HERC1: variants seen among roughly 807,000 people sequenced by gnomAD.
The protein encoded by HERC1 is HECT and RLD domain containing E3 ubiquitin protein ligase family member 1.
HERC1 carries 160 observed loss-of-function variants against 554.3 expected under a neutral mutation model. The observed-to-expected ratio is 0.29, with a 90% CI of 0.25 to 0.33. HERC1 has a LOEUF of 0.33. Ranked by LOEUF, HERC1 falls within the 10% of genes least tolerant of loss-of-function variation. The pLI, the probability that HERC1 is intolerant of heterozygous loss-of-function variation, is 1.00. For synonymous variants in HERC1, 2,175 were observed against 2,131.7 expected (o/e 1.02, Z -0.56); for missense variants, 4,919 against 5,918.5 (o/e 0.83, Z 5.54).
intron 57 of HERC1, 102 bp downstream of exon 57, chr15:63,644,890 T>C: frequency 3.7e-6 from 3 of 810,846 alleles, no homozygotes; most frequent in Non-Finnish European, 6.2e-6. Flanking sequence ...ATCTTGCCCT[T>C]TGGGATATAG....
At chr15:63,630,152 C>G (rs1387341689) in intron 69 of HERC1, among the ~76,000 whole-genome samples, 2 of 152,178 alleles carry the variant, frequency 1.3e-5, no homozygotes, top group East Asian at 3.8e-4. Context: ...AGTAGCAAAT[C>G]CTTACATACT....
chr15:63,777,863 C>T (rs1412694377), intron 1 of HERC1, among the ~76,000 whole-genome samples: 1 of 151,998 alleles, frequency 6.6e-6, no homozygotes, highest in African/African-American at 2.4e-5. Flanking sequence ...GTCTTTAGTC[C>T]ATCTGGAATT....
In HERC1 at chr15:63,674,740, T is replaced by C. The variant is rs2071108530; in HGVS notation, c.7448A>G (p.Glu2483Gly). ...GTGTTCATGATTTTTTCTTTTCCCTTCTGTTATTTGATGTTGGGATTCCAC... is the reference window on the plus strand; with the variant it reads ...GTGTTCATGATTTTTTCTTTTCCCTCCTGTTATTTGATGTTGGGATTCCAC... Reference protein sequence around the residue: ...PSVESQHQITEGKRKNHEHMS... With the variant: ...PSVESQHQITGGKRKNHEHMS... The change falls in exon 38 of 78, where the codon GAA becomes GGA. Residue 2483 changes from glutamate to glycine, a missense_variant. This residue lies in a region of HERC1 where 1,963 missense variants were observed against 2,228.6 expected (regional missense o/e 0.88). Coordinates refer to ENST00000443617, the MANE Select transcript of HERC1 (RefSeq NM_003922.4). 1 of 1,613,792 alleles carries C rather than the reference T, an allele frequency of 6.2e-7. No individual in the cohort carries two copies.
At chr15:63,787,360 T>C (rs1360481393) in intron 1 of HERC1, among the ~76,000 whole-genome samples, 6 of 151,694 alleles carry the variant, frequency 4.0e-5, no homozygotes, top group African/African-American at 1.5e-4. Flanking sequence ...TTTCACAATG[T>C]TGGCTAGGCT....
intron 68 of HERC1, 43 bp downstream of exon 68, chr15:63,632,666 A>G: frequency 7.8e-7 from 1 of 1,280,504 alleles, no homozygotes; most frequent in Non-Finnish European, 1.1e-6. Context: ...GCCAATGTTT[A>G]TAATGATGTG....
intron 1 of HERC1, among the ~76,000 whole-genome samples, chr15:63,804,623 T>C (rs569556500): frequency 6.7e-6 from 1 of 149,524 alleles, no homozygotes; most frequent in South Asian, 2.1e-4. Context: ...TGAAAAGACT[T>C]AGATATGATG....
chr15:63,648,239 ATTTGT>A (rs2069460997), intron 54 of HERC1, 40 bp from the exon 55 acceptor site: 1 of 1,557,760 alleles, frequency 6.4e-7, no homozygotes, highest in Admixed American at 1.9e-5. Context: ...AAAGATAATT[ATTTGT>A]CATTGTCTGA....
intron 22 of HERC1, among the ~76,000 whole-genome samples, chr15:63,715,800 T>A (rs1307523155): frequency 6.6e-6 from 1 of 152,244 alleles, no homozygotes; most frequent in African/African-American, 2.4e-5. Context: ...AAAAGTTTTA[T>A]GCACCCAGTC....
Position 63,666,412 on chromosome 15 carries a change from G to C in HERC1, c.8267C>G (p.Pro2756Arg). 1 of 1,613,684 alleles carries C rather than the reference G, an allele frequency of 6.2e-7. No individual in the cohort carries two copies. ...AAGAGAGAACCCCATTTCCAGCAAGGGAACTGCAATTGCTGGAGGAGGAGG... is the reference window on the plus strand; with the variant it reads ...AAGAGAGAACCCCATTTCCAGCAAGCGAACTGCAATTGCTGGAGGAGGAGG... The part of the protein sequence containing the change: ...TSPPPPAIAV[P>R]LLEMGFSLRQ... Residue 2756 changes from proline (P) to arginine (R), a missense_variant, in exon 41 of 78, where the codon CCC becomes CGC. Pro to Arg is a moderately radical substitution (Grantham distance 103). This residue lies in a region of HERC1 where 1,963 missense variants were observed against 2,228.6 expected (regional missense o/e 0.88). Coordinates refer to ENST00000443617, the MANE Select transcript of HERC1 (RefSeq NM_003922.4).
intron 1 of HERC1, chr15:63,779,775 G>C (rs938454431): frequency 1.3e-5 from 2 of 152,122 alleles, no homozygotes; most frequent in African/African-American, 4.8e-5. Flanking sequence ...CAGCACTTTT[G>C]GAGGTCGAGG....
rs192767333 is a variant in HERC1 at position 63,772,351 on chromosome 15, T to C, written c.930+2343A>G. Among the ~76,000 whole-genome samples, 173 of 152,148 alleles carry C rather than the reference T, an allele frequency of 1.1e-3. 1 individual carries two copies. The highest frequency in any genetic ancestry group is 4.1e-3 in the African/African-American group (171 of 41,554). ...ACTAGCATTTTGTTCAAACACACCA[T>C]TGGCAAACATTTAATCATATAACTA... On this transcript the variant is annotated intron_variant, in intron 2 of 77. Coordinates refer to ENST00000443617, the MANE Select transcript of HERC1 (RefSeq NM_003922.4).
chr15:63,765,136 C>G (rs7175726), intron 2 of HERC1, among the ~76,000 whole-genome samples: 3 of 152,026 alleles, frequency 2.0e-5, no homozygotes. Context: ...TAACTACTCT[C>G]TGTTCACCTT....
At chr15:63,784,334 AAAC>A (rs950091287) in intron 1 of HERC1, among the ~76,000 whole-genome samples, 1 of 152,216 alleles carries the variant, frequency 6.6e-6, no homozygotes, top group Non-Finnish European at 1.5e-5. Context: ...AGAATTCACA[AAAC>A]AACTAAAATG....
At chr15:63,761,687 A>T (rs1001836878) in intron 3 of HERC1, among the ~76,000 whole-genome samples, 49 of 151,972 alleles carry the variant, frequency 3.2e-4, no homozygotes, top group African/African-American at 9.2e-4. Flanking sequence ...TTAGAAATTA[A>T]TTTTTTCAGT....
intron 68 of HERC1, 155 bp downstream of exon 68, chr15:63,632,554 A>C (rs1421283528): frequency 1.4e-6 from 1 of 694,462 alleles, no homozygotes; most frequent in Non-Finnish European, 2.6e-6. Flanking sequence ...CACATGAAAG[A>C]GAAGTGGAAA....
intron 1 of HERC1, among the ~76,000 whole-genome samples, chr15:63,828,086 A>G (rs2078003727): frequency 6.6e-6 from 1 of 152,208 alleles, no homozygotes; most frequent in African/African-American, 2.4e-5. Flanking sequence ...AAACCACTGA[A>G]TTGTACACTT....
At position 63,692,407 on chromosome 15, in the gene HERC1, G is replaced by GT. The variant is rs1227416320; in HGVS notation, c.5830+3dup. 1 of 1,595,822 alleles carries GT rather than the reference G, an allele frequency of 6.3e-7. No homozygotes were observed. Among genetic ancestry groups the GT allele is most frequent in the African/African-American group, 1.4e-5 (1 of 73,858 alleles). On this transcript the variant is annotated splice_donor_region_variant and intron_variant, in intron 31 of 77. Coordinates refer to ENST00000443617, the MANE Select transcript of HERC1 (RefSeq NM_003922.4). The surrounding 1 kb of genome is among the most constrained non-coding windows in gnomAD (Gnocchi z 4.7). ...ACTCTAAGACAAAGGCAAAGGACATGTACCTGAAGAACATTTCTGAGATGC... is the reference window on the plus strand; with the variant it reads ...ACTCTAAGACAAAGGCAAAGGACATGTTACCTGAAGAACATTTCTGAGATGC...
At chr15:63,794,364 T>C (rs1236306790) in intron 1 of HERC1, among the ~76,000 whole-genome samples, 1 of 152,182 alleles carries the variant, frequency 6.6e-6, no homozygotes, top group Non-Finnish European at 1.5e-5. Flanking sequence ...CCCAGTCTTT[T>C]TGTGGTTCTA....
At chr15:63,798,150 C>G (rs2076866975) in intron 1 of HERC1, among the ~76,000 whole-genome samples, 1 of 152,160 alleles carries the variant, frequency 6.6e-6, no homozygotes, top group African/African-American at 2.4e-5. Flanking sequence ...ACCCCAGAAT[C>G]AGTGCTTTAG....
Sources: allele counts gnomAD v4.1 joint callset (sites outside exome capture counted in the v4.1 genomes callset), GRCh38; gene constraint gnomAD v4.1.1; regional missense constraint gnomAD v4.1.1; non-coding constraint Gnocchi (gnomAD v3.1); transcripts MANE v1.5; gene names NCBI Gene and HGNC (gene_info 2026-07-23, HGNC 2026-07-21).